Variants in IFT74 observed in about 807,000 individuals in gnomAD.
The protein encoded by IFT74 is intraflagellar transport protein 74 homolog.
Under a neutral mutation model 96.7 loss-of-function variants are expected in IFT74, and 92 were observed. The observed-to-expected ratio is 0.95, with a 90% confidence interval of 0.80 to 1.13. IFT74 has a LOEUF of 1.13. Among genes scored for constraint, IFT74 ranks in the 50% most tolerant of loss-of-function variants. The pLI is 0.00. For missense variants in IFT74, 811 were observed against 698.2 expected, an observed-to-expected ratio of 1.16 and a Z score of -1.82; for synonymous variants, 223 against 213.2, an observed-to-expected ratio of 1.05 and a Z score of -0.40.
intron 6 of IFT74, among the ~76,000 whole-genome samples, chr9:26,986,892 G>A (rs1257792387): frequency 1.3e-5 from 2 of 152,068 alleles, no homozygotes; most frequent in Non-Finnish European, 2.9e-5. Flanking sequence ...CAAAGTGCTG[G>A]GATTATAAGC....
chr9:26,986,825 G>A (rs1380753155), intron 6 of IFT74, among the ~76,000 whole-genome samples: 1 of 151,916 alleles, frequency 6.6e-6, no homozygotes, highest in African/African-American at 2.4e-5. Flanking sequence ...GACTTGCTGT[G>A]TTGCCCACAA....
At chr9:27,012,030 G>T (rs531169766) in intron 10 of IFT74, 62 bp downstream of exon 10, 1 of 1,020,442 alleles carries the variant, frequency 9.8e-7, no homozygotes, top group East Asian at 2.7e-5. Flanking sequence ...ATTCAGCCAA[G>T]TATATTAATA....
intron 13 of IFT74, among the ~76,000 whole-genome samples, chr9:27,041,088 C>T (rs1420828531): frequency 3.3e-5 from 5 of 152,178 alleles, no homozygotes; most frequent in African/African-American, 1.2e-4. Flanking sequence ...GTTAACAGCA[C>T]ATACGCATTT....
intron 2 of IFT74, among the ~76,000 whole-genome samples, chr9:26,968,395 G>A (rs1046518424): frequency 3.3e-5 from 5 of 151,934 alleles, no homozygotes; most frequent in Admixed American, 6.6e-5. Context: ...CCAAGTAGCT[G>A]GGATTATAGG....
rs1340136019 is a variant in IFT74, at chr9:26,976,532, T to G, written c.121-1596T>G. ...AACATTTAAACTTTCTTAGATAAGG[T>G]GGGCGCATGATGGGAGAGAGGGGAG... On this transcript the variant is annotated intron_variant, in intron 2 of 19. Coordinates refer to ENST00000380062, the MANE Select transcript of IFT74 (RefSeq NM_025103.4). 9 of 316,554 alleles carry G rather than the reference T, an allele frequency of 2.8e-5. No homozygotes were observed. The East Asian group carries it at 7.4e-4, about 26-fold the overall frequency. The allele number at this position is 316,554 out of a possible 1,614,324, so 19.6% of individuals were successfully genotyped here.
chr9:26,969,305 G>T (rs1337236546), intron 2 of IFT74, among the ~76,000 whole-genome samples: 1 of 151,786 alleles, frequency 6.6e-6, no homozygotes, highest in Admixed American at 6.6e-5. Flanking sequence ...TTGCTTAATT[G>T]ATTCCTTTAT....
intron 13 of IFT74, among the ~76,000 whole-genome samples, chr9:27,038,979 C>A (rs1441679498): frequency 3.3e-5 from 5 of 152,200 alleles, no homozygotes; most frequent in African/African-American, 1.2e-4. Context: ...AAGCCTCGAC[C>A]TTAAACGCTT....
At chr9:27,004,497 C>T (rs768168782) in intron 8 of IFT74, among the ~76,000 whole-genome samples, 1 of 152,196 alleles carries the variant, frequency 6.6e-6, no homozygotes, top group Admixed American at 6.5e-5. Flanking sequence ...TGTCGATTAT[C>T]ATGACACTGA....
chr9:27,016,961 T>C lies in IFT74; in HGVS notation c.844T>C (p.Tyr282His), dbSNP rs1829373609. 1.9e-6 allele frequency: 3 copies of C among 1,611,588 alleles called. No homozygotes were observed. The highest frequency in any genetic ancestry group is 1.3e-5 in the African/African-American group (1 of 74,900). ...QEAVLLHEKL[Y>H]ELESHRDQMI... is the part of the protein sequence containing the mutation. ...GGCGGTATTGCTGCATGAAAAACTTTATGAGTTGGAGTCCCATCGAGATCA... is the reference window on the plus strand; with the variant it reads ...GGCGGTATTGCTGCATGAAAAACTTCATGAGTTGGAGTCCCATCGAGATCA... The change falls in exon 11 of 20, where the codon TAT becomes CAT. Residue 282 changes from tyrosine (Y) to histidine (H), a missense_variant. Coordinates refer to ENST00000380062, the MANE Select transcript of IFT74 (RefSeq NM_025103.4).
At chr9:26,978,600 T>TG (rs1424705609) in intron 3 of IFT74, among the ~76,000 whole-genome samples, 1 of 152,176 alleles carries the variant, frequency 6.6e-6, no homozygotes, top group East Asian at 1.9e-4. Flanking sequence ...TAGTACAACT[T>TG]GAAGAACTTT....
chr9:26,960,237 T>C (rs1018111505), intron 1 of IFT74, among the ~76,000 whole-genome samples: 15 of 152,164 alleles, frequency 9.9e-5, no homozygotes, highest in African/African-American at 3.6e-4. Context: ...CAGTCTCTCA[T>C]ACTAGATTTT....
chr9:26,978,808 C>T (rs1383738035), intron 3 of IFT74, among the ~76,000 whole-genome samples: 1 of 151,980 alleles, frequency 6.6e-6, no homozygotes, highest in East Asian at 1.9e-4. Flanking sequence ...GGAAATGAGG[C>T]TAATTTCCTC....
At chr9:27,000,567 A>G (rs777905392) in intron 8 of IFT74, among the ~76,000 whole-genome samples, 4 of 152,212 alleles carry the variant, frequency 2.6e-5, no homozygotes, top group Non-Finnish European at 5.9e-5. Context: ...GTGCATTCAT[A>G]TAATTTTTAA....
intron 2 of IFT74, among the ~76,000 whole-genome samples, chr9:26,966,718 G>T (rs543752391): frequency 6.6e-6 from 1 of 152,030 alleles, no homozygotes; most frequent in South Asian, 2.1e-4. Flanking sequence ...TCCTTTGCTT[G>T]TGGGATATTA....
chr9:26,989,129 T>C (rs1357990929), intron 7 of IFT74, among the ~76,000 whole-genome samples: 1 of 152,204 alleles, frequency 6.6e-6, no homozygotes. Context: ...TGAATAGATA[T>C]GACTCCAGAC....
At chr9:27,052,507 C>CAAA (rs1187027414) in intron 16 of IFT74, among the ~76,000 whole-genome samples, 26 of 57,118 alleles carry the variant, frequency 4.6e-4, no homozygotes, top group East Asian at 1.2e-3. Flanking sequence ...AAATCTATCT[C>CAAA]AAAAAAAAAA....
chr9:27,027,738 C>G (rs1829934542), intron 12 of IFT74, among the ~76,000 whole-genome samples: 1 of 151,824 alleles, frequency 6.6e-6, no homozygotes, highest in Non-Finnish European at 1.5e-5. Context: ...TAAAAATTTT[C>G]CCTTGTTCTA....
intron 13 of IFT74, among the ~76,000 whole-genome samples, chr9:27,033,484 C>T (rs1830218097): frequency 1.3e-5 from 2 of 150,358 alleles, no homozygotes; most frequent in South Asian, 2.1e-4. Flanking sequence ...ACTTGAACCT[C>T]GGAAGTCGAG....
intron 8 of IFT74, among the ~76,000 whole-genome samples, chr9:27,000,156 C>A (rs1828401010): frequency 6.6e-6 from 1 of 152,268 alleles, no homozygotes; most frequent in South Asian, 2.1e-4. Context: ...GCACTCTGAT[C>A]TTAATAAACT....
Sources: gnomAD v4.1 joint callset for allele counts (sites outside exome capture counted in the v4.1 genomes callset) on GRCh38, gnomAD v4.1.1 for gene constraint, MANE v1.5 for transcripts, NCBI Gene and HGNC (gene_info 2026-07-23, HGNC 2026-07-21) for gene names.